TBC1D8: variants seen among roughly 807,000 people sequenced by gnomAD.
TBC1D8 encodes the protein BUB2-like protein 1.
A neutral mutation model predicts 118.8 loss-of-function variants in TBC1D8; 65 were observed. The observed-to-expected ratio is 0.55, with a 90% CI of 0.45 to 0.67. The LOEUF (loss-of-function observed/expected upper bound fraction) is 0.67. Ranked by LOEUF, TBC1D8 falls within the 30% of genes least tolerant of loss-of-function variation. The pLI, the probability that TBC1D8 is intolerant of heterozygous loss-of-function variation, is 0.00. For synonymous variants in TBC1D8, 566 were observed against 595.8 expected (o/e 0.95, Z 0.73); for missense variants, 1,376 against 1,471.2 (o/e 0.94, Z 1.06).
intron 1 of TBC1D8, among the ~76,000 whole-genome samples, chr2:101,135,760 A>C (rs1055753025): frequency 6.6e-6 from 1 of 152,206 alleles, no homozygotes; most frequent in Non-Finnish European, 1.5e-5. Context: ...GCAAAAAGAC[A>C]GGTAGCTTGC....
At chr2:101,069,071 G>A (rs889054380) in intron 2 of TBC1D8, among the ~76,000 whole-genome samples, 9 of 151,192 alleles carry the variant, frequency 6.0e-5, no homozygotes, top group South Asian at 4.2e-4. Flanking sequence ...AGGCCGAGGC[G>A]GGTGGATCAT....
At chr2:101,131,376 G>C (rs537617251) in intron 1 of TBC1D8, among the ~76,000 whole-genome samples, 2 of 152,282 alleles carry the variant, frequency 1.3e-5, no homozygotes, top group African/African-American at 4.8e-5. Context: ...GCCGGGCATG[G>C]TGGTGACGTG....
intron 16 of TBC1D8, 148 bp from the exon 17 acceptor site, chr2:101,021,894 A>G (rs1214022841): frequency 1.3e-5 from 8 of 638,344 alleles, no homozygotes; most frequent in East Asian, 2.7e-5. Flanking sequence ...GGTAGCAATG[A>G]AAGTGTTAAA....
In TBC1D8 at chr2:101,022,381, G is replaced by C. The variant is rs1458618728; in HGVS notation, c.2661C>G (p.Thr887=). ...CGAGGATCTCCGTGTGGGCCCCGCA[G>C]GTCCAGGGCGAGACTAGCTGAAACA... is the stretch of plus-strand genomic sequence containing the variant. The part of the protein sequence containing the change: ...AHLFQLVSPW[T]CGAHTEILAE... Residue 887 remains threonine, a synonymous_variant, in exon 16 of 20, where the codon ACC becomes ACG. Transcript: ENST00000409318. 1 of 1,613,412 alleles carries C rather than the reference G, an allele frequency of 6.2e-7. No homozygotes were observed. Among genetic ancestry groups the C allele is most frequent in the Non-Finnish European group, 8.5e-7 (1 of 1,179,702 alleles).
intron 2 of TBC1D8, among the ~76,000 whole-genome samples, chr2:101,072,195 C>G (rs1184678142): frequency 6.6e-6 from 1 of 152,130 alleles, no homozygotes; most frequent in Non-Finnish European, 1.5e-5. Context: ...TAAAGGAATA[C>G]CTGAGGCTGG....
chr2:101,009,613 C>G (rs1679037173), intron 19 of TBC1D8, among the ~76,000 whole-genome samples: 1 of 151,808 alleles, frequency 6.6e-6, no homozygotes, highest in African/African-American at 2.4e-5. Flanking sequence ...TCATTTTGAT[C>G]ATATATCCAG....
intron 15 of TBC1D8, 67 bp downstream of exon 15, chr2:101,027,316 C>A: frequency 6.9e-7 from 1 of 1,450,282 alleles, no homozygotes; most frequent in African/African-American, 1.4e-5. Context: ...GTCCCCTGGG[C>A]AGGCTGGGCA....
intron 5 of TBC1D8, among the ~76,000 whole-genome samples, chr2:101,046,737 C>T (rs763413543): frequency 2.0e-5 from 3 of 152,092 alleles, no homozygotes; most frequent in Admixed American, 6.5e-5. Context: ...CAGCCAGACC[C>T]GAGAGTTCAG....
rs7602244 is a variant in TBC1D8, at chr2:101,141,691, T to C, written c.127+9436A>G. Among the ~76,000 whole-genome samples, 1,202 of 151,708 alleles carry C rather than the reference T, an allele frequency of 7.9e-3. 15 individuals carry two copies. The highest frequency in any genetic ancestry group is 0.027 in the African/African-American group (1,132 of 41,332). On this transcript the variant is annotated intron_variant, in intron 1 of 19. Transcript: ENST00000409318. ...GAAAAGACTGATACATCTGACTGCATGAAAATTAACAATGTGAGTTCAAAA... is the reference window on the plus strand; with the variant it reads ...GAAAAGACTGATACATCTGACTGCACGAAAATTAACAATGTGAGTTCAAAA...
Position 101,028,313 on chromosome 2 carries a change from T to G in TBC1D8, c.2342A>C (p.Asp781Ala), listed in dbSNP as rs542315995. The G allele has an allele frequency of 5.6e-6, 9 of 1,612,364 alleles. No individual in the cohort carries two copies. In the South Asian group the frequency reaches 8.8e-5, roughly 16 times the overall value. The change falls in exon 13 of 20, where the codon GAT becomes GCT. Residue 781 changes from aspartate to alanine, a missense_variant. Transcript: ENST00000409318. ...GGGGGTTCCCGTTACCTCATAGGAA[T>G]CCCGGATCAGGTCCGAAATATCAGT... ...PVTDISDLIRDSYEKFGDQSV... is the reference protein window; with the variant it reads ...PVTDISDLIRASYEKFGDQSV...
At chr2:101,122,961 TG>T (rs1186170458) in intron 1 of TBC1D8, among the ~76,000 whole-genome samples, 10 of 152,106 alleles carry the variant, frequency 6.6e-5, no homozygotes, top group African/African-American at 2.2e-4. Context: ...GGTACAGCGA[TG>T]TGATGTGGGT....
chr2:101,070,059 G>A (rs941392759), intron 2 of TBC1D8, among the ~76,000 whole-genome samples: 1 of 151,682 alleles, frequency 6.6e-6, no homozygotes, highest in African/African-American at 2.4e-5. Context: ...GGGATTACAG[G>A]CACCCACGAC....
intron 4 of TBC1D8, among the ~76,000 whole-genome samples, chr2:101,051,584 A>G (rs1199629212): frequency 1.3e-5 from 2 of 152,198 alleles, no homozygotes; most frequent in African/African-American, 4.8e-5. Context: ...TCCAGCATCT[A>G]TAAGGAACTT....
intron 2 of TBC1D8, among the ~76,000 whole-genome samples, chr2:101,063,044 T>G (rs1573963328): frequency 6.6e-6 from 1 of 152,340 alleles, no homozygotes; most frequent in East Asian, 1.9e-4. Context: ...TACAGCGAGC[T>G]GTCTCCCTCC....
At chr2:101,032,152 A>G (rs771506605) in intron 11 of TBC1D8, 116 bp downstream of exon 11, 1 of 953,844 alleles carries the variant, frequency 1.0e-6, no homozygotes, top group African/African-American at 1.6e-5. Flanking sequence ...TGTGTTTGCA[A>G]ACAGACTAGC....
rs1679779991 is a variant in TBC1D8 at position 101,018,011 on chromosome 2, C to T, written c.2827+3670G>A. The T allele has an allele frequency of 7.3e-6, 10 of 1,373,482 alleles. No individual in the cohort carries two copies. In the South Asian group the frequency reaches 1.3e-4, roughly 18 times the overall value. 85.1% of individuals were successfully genotyped at this position (1,373,482 alleles called of 1,614,324 possible). A position where few individuals can be genotyped will look rare whatever the true frequency, so the allele number is the denominator to read the frequency against. ...CCAATGCTCGCAATTCTACTTCAAGCATGTGCTCATTCTACATATCAACCC... is the reference window on the plus strand; with the variant it reads ...CCAATGCTCGCAATTCTACTTCAAGTATGTGCTCATTCTACATATCAACCC... On this transcript the variant is annotated intron_variant, in intron 17 of 19. Transcript: ENST00000409318.
rs909938594 is a variant in TBC1D8 at position 101,008,358 on chromosome 2, A to G, written c.3016-85T>C. ...TTTAAACATACCTGTGAGCTTTGAG[A>G]AAACGACACAGTATTTTTGAAGACA... On this transcript the variant is annotated intron_variant, in intron 19 of 19. Coordinates refer to ENST00000409318, the MANE Select transcript of TBC1D8 (RefSeq NM_001330348.2). 12 of 1,060,110 alleles carry G rather than the reference A, an allele frequency of 1.1e-5. No homozygotes were observed. In the African/African-American group the frequency reaches 1.9e-4, roughly 17 times the overall value. 65.7% of individuals were successfully genotyped at this position (1,060,110 alleles called of 1,614,324 possible).
At chr2:101,057,895 C>T (rs1330474137) in intron 3 of TBC1D8, among the ~76,000 whole-genome samples, 1 of 152,160 alleles carries the variant, frequency 6.6e-6, no homozygotes, top group Admixed American at 6.5e-5. Flanking sequence ...TTCCAGGGCC[C>T]CAGCCATGAA....
chr2:101,096,801 G>GAGAC (rs1490435512), intron 1 of TBC1D8, among the ~76,000 whole-genome samples: 1 of 151,156 alleles, frequency 6.6e-6, no homozygotes, highest in Non-Finnish European at 1.5e-5. Flanking sequence ...GAGGGGGAGA[G>GAGAC]AGAGAGAGAG....
Sources: gnomAD v4.1 joint callset for allele counts (sites outside exome capture counted in the v4.1 genomes callset) on GRCh38, gnomAD v4.1.1 for gene constraint, MANE v1.5 for transcripts, NCBI Gene and HGNC (gene_info 2026-07-23, HGNC 2026-07-21) for gene names.